The following ATP8A2 variants were observed in gnomAD, a reference collection of about 807,000 sequenced individuals.
ATP8A2 encodes the protein phospholipid-transporting ATPase IB.
ATP8A2 carries 100 observed loss-of-function variants against 165.6 expected under a neutral mutation model. The observed-to-expected ratio is 0.60, with a 90% confidence interval of 0.51 to 0.71. The LOEUF (loss-of-function observed/expected upper bound fraction) is 0.71, where lower values mean the gene tolerates loss of function less well. ATP8A2 is among the 30% of genes least tolerant of loss of function. The pLI is 0.00. For synonymous variants in ATP8A2, 543 were observed against 548.8 expected (o/e 0.99, Z 0.15); for missense variants, 1,227 against 1,479.5 (o/e 0.83, Z 2.80).
chr13:25,934,813 C>T lies in ATP8A2; in HGVS notation c.3184-26762C>T, dbSNP rs78563147. On this transcript the variant is annotated intron_variant, in intron 33 of 36. Coordinates refer to ENST00000381655, the MANE Select transcript of ATP8A2 (RefSeq NM_016529.6). ...AGGGGCACTGCCAGCTGAGTGAAGA[C>T]GGGAAAAGACAAAGAAAAAAAACAA... Among the ~76,000 whole-genome samples the T allele has an allele frequency of 6.6e-3, 1,002 of 152,020 alleles. 11 individuals are homozygous for T. The highest frequency in any genetic ancestry group is 0.023 in the African/African-American group (952 of 41,440).
intron 27 of ATP8A2, among the ~76,000 whole-genome samples, chr13:25,794,336 A>C (rs982244733): frequency 8.5e-5 from 13 of 152,252 alleles, no homozygotes; most frequent in African/African-American, 3.1e-4. Flanking sequence ...ATTACTTAGC[A>C]ACAAAAAGGA....
At chr13:25,398,617 A>G (rs146344009) in intron 1 of ATP8A2, among the ~76,000 whole-genome samples, 125 of 152,344 alleles carry the variant, frequency 8.2e-4, no homozygotes, top group African/African-American at 2.8e-3. Flanking sequence ...GACATACAGT[A>G]GATGTTAATA....
At chr13:26,012,167 G>A (rs1012143237) in intron 35 of ATP8A2, among the ~76,000 whole-genome samples, 1 of 152,202 alleles carries the variant, frequency 6.6e-6, no homozygotes, top group African/African-American at 2.4e-5. Context: ...CTCTCACCCC[G>A]TGCAGGCAGG....
chr13:25,905,055 T>A (rs1424435844), intron 33 of ATP8A2, among the ~76,000 whole-genome samples: 1 of 151,844 alleles, frequency 6.6e-6, no homozygotes, highest in Admixed American at 6.6e-5. Context: ...GAAGAGTGTG[T>A]GCCCAGCCTG....
At chr13:25,405,516 T>G (rs571552600) in intron 1 of ATP8A2, among the ~76,000 whole-genome samples, 3 of 152,136 alleles carry the variant, frequency 2.0e-5, no homozygotes, top group Non-Finnish European at 4.4e-5. Context: ...CTCCCTCGCT[T>G]CGGACCTCTC....
At position 25,581,855 on chromosome 13, in the gene ATP8A2, C is replaced by T. The variant is rs772349695; in HGVS notation, c.2044C>T (p.Arg682Cys). 11 of 1,613,952 alleles carry T rather than the reference C, an allele frequency of 6.8e-6. No homozygotes were observed. The South Asian group carries it at 8.8e-5, about 13-fold the overall frequency. Residue 682 changes from arginine to cysteine, a missense_variant, in exon 23 of 37, where the codon CGC becomes TGC. Coordinates refer to ENST00000381655, the MANE Select transcript of ATP8A2 (RefSeq NM_016529.6). ...ACTTGGAGCCACAGCCATAGAAGAT[C>T]GCCTTCAAGCAGGAGTTCCAGAAAC... is the stretch of plus-strand genomic sequence containing the variant. Reference protein sequence around the residue: ...LLLGATAIEDRLQAGVPETIA... With the variant: ...LLLGATAIEDCLQAGVPETIA...
intron 2 of ATP8A2, among the ~76,000 whole-genome samples, chr13:25,504,421 CT>C (rs577817952): frequency 0.038 from 4,748 of 124,152 alleles, 198 homozygotes; most frequent in African/African-American, 0.11. Flanking sequence ...CTTTCCTTTC[CT>C]TTTTTTTTTT....
rs982292580 is a variant in ATP8A2 at position 25,953,543 on chromosome 13, A to C, written c.3184-8032A>C. Reference sequence around the variant, plus strand: ...TTTTTAAAAAAAAAAAAAAAAAAAAAAAAGCAAGGGAAATAGGCAAGACGG... The same window carrying C: ...TTTTTAAAAAAAAAAAAAAAAAAAACAAAGCAAGGGAAATAGGCAAGACGG... On this transcript the variant is annotated intron_variant, in intron 33 of 36. Transcript: ENST00000381655. The surrounding 1 kb of genome is among the most constrained non-coding windows in gnomAD (Gnocchi z 6.7). 1.6e-5 allele frequency among the ~76,000 whole-genome samples: 2 copies of C among 123,518 alleles called. No homozygotes were observed. The highest frequency in any genetic ancestry group is 7.5e-5 in the Admixed American group (1 of 13,292). 81.0% of individuals were successfully genotyped at this position (123,518 alleles called of 152,430 possible).
At chr13:25,631,234 G>T (rs1199469950) in intron 24 of ATP8A2, among the ~76,000 whole-genome samples, 1 of 152,174 alleles carries the variant, frequency 6.6e-6, no homozygotes, top group Non-Finnish European at 1.5e-5. Flanking sequence ...TGATGGTGAG[G>T]CTCATCTGTG....
chr13:25,372,205 C>T lies in ATP8A2; in HGVS notation c.-8C>T. On this transcript the variant is annotated 5_prime_UTR_variant, in exon 1 of 37. The change creates a new upstream start codon in the 5' untranslated region. Coordinates refer to ENST00000381655, the MANE Select transcript of ATP8A2 (RefSeq NM_016529.6). This position sits in a 1 kb window ranked among gnomAD's most constrained non-coding sequence, Gnocchi z 4.8. ...GCCCGGGGCCGCCGAGCCCCCGACA[C>T]GGGCGAGATGCTGAACGGCGCAGGC... 3.5e-6 allele frequency: 5 copies of T among 1,430,550 alleles called. No individual in the cohort carries two copies. Among genetic ancestry groups the T allele is most frequent in the Admixed American group, 2.6e-5 (1 of 39,082 alleles). The allele number at this position is 1,430,550 out of a possible 1,614,324, so 88.6% of individuals were successfully genotyped here.
chr13:25,569,861 T>G (rs2039416201), intron 16 of ATP8A2, among the ~76,000 whole-genome samples: 1 of 152,176 alleles, frequency 6.6e-6, no homozygotes, highest in Non-Finnish European at 1.5e-5. Flanking sequence ...ATAAAATGCC[T>G]TACACAGTAC....
intron 24 of ATP8A2, among the ~76,000 whole-genome samples, chr13:25,673,340 G>T (rs377433596): frequency 6.6e-6 from 1 of 152,162 alleles, no homozygotes; most frequent in African/African-American, 2.4e-5. Context: ...TTTTGGATAG[G>T]ATACAAGAAG....
intron 25 of ATP8A2, among the ~76,000 whole-genome samples, chr13:25,707,949 A>G (rs570054686): frequency 6.6e-6 from 1 of 152,180 alleles, no homozygotes; most frequent in Non-Finnish European, 1.5e-5. Flanking sequence ...TCTCCCATCC[A>G]TCCGCTCTGC....
At chr13:25,954,900 C>T (rs1461399514) in intron 33 of ATP8A2, among the ~76,000 whole-genome samples, 1 of 152,180 alleles carries the variant, frequency 6.6e-6, no homozygotes, top group Non-Finnish European at 1.5e-5. Context: ...GAAAAAACAG[C>T]ACAAAAAGGC....
At chr13:25,472,239 C>T (rs766318497) in intron 2 of ATP8A2, among the ~76,000 whole-genome samples, 34 of 151,970 alleles carry the variant, frequency 2.2e-4, no homozygotes, top group Non-Finnish European at 4.0e-4. Flanking sequence ...ACCAAAAATA[C>T]AAAAATTAGC....
intron 24 of ATP8A2, among the ~76,000 whole-genome samples, chr13:25,649,740 C>T (rs2041766221): frequency 6.6e-6 from 1 of 152,136 alleles, no homozygotes; most frequent in Non-Finnish European, 1.5e-5. Context: ...CCTCCATGGG[C>T]AGGGCCCTCA....
chr13:25,785,855 G>C lies in ATP8A2; in HGVS notation c.2679+10896G>C, dbSNP rs534497258. Among the ~76,000 whole-genome samples, 137 of 152,162 alleles carry C rather than the reference G, an allele frequency of 9.0e-4. 1 individual carries two copies. Among genetic ancestry groups the C allele is most frequent in the Non-Finnish European group, 1.7e-3 (113 of 68,042 alleles). ...GCAAATGAGGAAGAAGATAAAGGAA[G>C]GAGGACACGGGAATTCGTGACGTAT... On this transcript the variant is annotated intron_variant, in intron 27 of 36. Transcript: ENST00000381655.
chr13:25,715,831 G>T lies in ATP8A2; in HGVS notation c.2384+16486G>T, dbSNP rs190880175. The stretch of plus-strand genomic sequence containing the variant: ...TGGGTATATACCTAGGAGTGGAATT[G>T]CTGGGGTATATGGTCACTCTATGGT... On this transcript the variant is annotated intron_variant, in intron 25 of 36. Coordinates refer to ENST00000381655, the MANE Select transcript of ATP8A2 (RefSeq NM_016529.6). Among the ~76,000 whole-genome samples, 102 of 152,230 alleles carry T rather than the reference G, an allele frequency of 6.7e-4. 1 individual carries two copies. The highest frequency in any genetic ancestry group is 2.2e-3 in the African/African-American group (91 of 41,538).
chr13:25,878,242 A>G lies in ATP8A2; in HGVS notation c.3183+15834A>G, dbSNP rs909007195. Among the ~76,000 whole-genome samples, 4 of 152,072 alleles carry G rather than the reference A, an allele frequency of 2.6e-5. No homozygotes were observed. The South Asian group carries it at 8.3e-4, about 32-fold the overall frequency. On this transcript the variant is annotated intron_variant, in intron 33 of 36. Coordinates refer to ENST00000381655, the MANE Select transcript of ATP8A2 (RefSeq NM_016529.6). Reference sequence around the variant, plus strand: ...ACCGCCAGTTAGGCTCCTTCAGACAACCCTGTGACTTGCTTTATAAGGTAT... The same window carrying G: ...ACCGCCAGTTAGGCTCCTTCAGACAGCCCTGTGACTTGCTTTATAAGGTAT...
Sources: gnomAD v4.1 joint callset for allele counts (sites outside exome capture counted in the v4.1 genomes callset) on GRCh38, gnomAD v4.1.1 for gene constraint, Gnocchi (gnomAD v3.1) non-coding constraint, MANE v1.5 for transcripts, NCBI Gene and HGNC (gene_info 2026-07-23, HGNC 2026-07-21) for gene names.